SPAG16: variants seen among roughly 807,000 people sequenced by gnomAD.
The protein encoded by SPAG16 is sperm associated antigen 16.
A neutral mutation model predicts 80.4 loss-of-function variants in SPAG16; 86 were observed. The ratio of observed to expected loss-of-function variants is 1.07; its 90% CI spans 0.90 to 1.28. SPAG16 has a LOEUF of 1.28. SPAG16 is among the 50% of genes most tolerant of loss of function. The probability of loss-of-function intolerance (pLI) is 0.00; values close to 1 mark genes in which losing one functional copy is unlikely to be tolerated. For synonymous variants in SPAG16, 294 were observed against 265.9 expected, an observed-to-expected ratio of 1.11 and a Z score of -1.03; for missense variants, 870 against 765.3, an observed-to-expected ratio of 1.14 and a Z score of -1.61.
chr2:213,674,103 T>C (rs2063932985), intron 10 of SPAG16, among the ~76,000 whole-genome samples: 1 of 152,140 alleles, frequency 6.6e-6, no homozygotes, highest in Admixed American at 6.6e-5. Flanking sequence ...TTTAAACAAA[T>C]TTAATTTGCT....
At chr2:214,310,385 A>G (rs1055739792) in intron 15 of SPAG16, among the ~76,000 whole-genome samples, 1 of 152,154 alleles carries the variant, frequency 6.6e-6, no homozygotes, top group Non-Finnish European at 1.5e-5. Context: ...CATATGAGCC[A>G]ATTCACTCTC....
At chr2:213,521,033 G>A (rs150791775) in intron 10 of SPAG16, among the ~76,000 whole-genome samples, 19 of 152,208 alleles carry the variant, frequency 1.2e-4, no homozygotes, top group African/African-American at 3.6e-4. Flanking sequence ...GCAGGTTACC[G>A]TATCTCAATT....
intron 13 of SPAG16, among the ~76,000 whole-genome samples, chr2:214,035,327 G>A (rs1221279739): frequency 6.6e-6 from 1 of 152,164 alleles, no homozygotes; most frequent in African/African-American, 2.4e-5. Flanking sequence ...CTCACAGGTG[G>A]GACTTCACCA....
chr2:214,256,845 C>T (rs551798219), intron 15 of SPAG16, among the ~76,000 whole-genome samples: 79 of 152,052 alleles, frequency 5.2e-4, no homozygotes, highest in South Asian at 8.3e-4. Context: ...TAAAGTCAAA[C>T]GGTTAGAAGT....
At chr2:213,976,113 T>G (rs957627988) in intron 12 of SPAG16, among the ~76,000 whole-genome samples, 23 of 90,372 alleles carry the variant, frequency 2.5e-4, no homozygotes, top group Middle Eastern at 0.01. Context: ...GAGGGAGATA[T>G]ATATATATAT....
At chr2:213,586,945 C>T (rs1029993363) in intron 10 of SPAG16, among the ~76,000 whole-genome samples, 3 of 152,178 alleles carry the variant, frequency 2.0e-5, no homozygotes, top group Non-Finnish European at 2.9e-5. Context: ...GGAAGCCCCA[C>T]CCTTGTAGTG....
In SPAG16 at chr2:214,188,279, G is replaced by C. The variant is rs889339268; in HGVS notation, c.1720+39013G>C. Among the ~76,000 whole-genome samples, 3 of 152,066 alleles carry C rather than the reference G, an allele frequency of 2.0e-5. No individual in the cohort carries two copies. In the East Asian group the frequency reaches 5.8e-4, roughly 29 times the overall value. On this transcript the variant is annotated intron_variant, in intron 15 of 15. Coordinates refer to ENST00000331683, the MANE Select transcript of SPAG16 (RefSeq NM_024532.5). ...TTGAAAGTGTAATGAGGATCTAAAG[G>C]GAAATTTTGTCTTATTGCATACAGT...
At chr2:213,573,171 G>A (rs966836463) in intron 10 of SPAG16, among the ~76,000 whole-genome samples, 1 of 151,968 alleles carries the variant, frequency 6.6e-6, no homozygotes, top group East Asian at 1.9e-4. Flanking sequence ...CGGTACCTCA[G>A]ATGGAAATGC....
At chr2:213,521,289 A>C (rs558556337) in intron 10 of SPAG16, among the ~76,000 whole-genome samples, 70 of 152,298 alleles carry the variant, frequency 4.6e-4, no homozygotes, top group Non-Finnish European at 8.2e-4. Flanking sequence ...TTCACATTGG[A>C]CATATGACAA....
In SPAG16 at chr2:213,854,511, G is replaced by T. The variant is rs182378840; in HGVS notation, c.1071-7974G>T. On this transcript the variant is annotated intron_variant, in intron 10 of 15. Coordinates refer to ENST00000331683, the MANE Select transcript of SPAG16 (RefSeq NM_024532.5). ...TAATCAGCTAGTAATTAAGTTGTGG[G>T]CCATTCTTCAAATCTAGGCAGGCAG... is the stretch of plus-strand genomic sequence containing the variant. Among the ~76,000 whole-genome samples, 139 of 152,210 alleles carry T rather than the reference G, an allele frequency of 9.1e-4. 1 individual carries two copies. Among genetic ancestry groups the T allele is most frequent in the Non-Finnish European group, 1.4e-3 (96 of 68,020 alleles).
chr2:214,059,151 T>C (rs2050097350), intron 13 of SPAG16, among the ~76,000 whole-genome samples: 1 of 147,340 alleles, frequency 6.8e-6, no homozygotes, highest in South Asian at 2.2e-4. Flanking sequence ...CACTCCAGCC[T>C]GGGTAACAGA....
intron 13 of SPAG16, among the ~76,000 whole-genome samples, chr2:214,090,382 A>G (rs2052098701): frequency 6.6e-6 from 1 of 151,952 alleles, no homozygotes; most frequent in Non-Finnish European, 1.5e-5. Flanking sequence ...GTCTTTCAAA[A>G]GCAACCACTA....
At chr2:214,104,946 C>T (rs1473305168) in intron 13 of SPAG16, among the ~76,000 whole-genome samples, 2 of 152,014 alleles carry the variant, frequency 1.3e-5, no homozygotes, top group Non-Finnish European at 2.9e-5. Context: ...TGCAAGTGGC[C>T]ATGAGAAAGG....
intron 15 of SPAG16, among the ~76,000 whole-genome samples, chr2:214,320,909 G>A (rs893969320): frequency 3.3e-5 from 5 of 152,188 alleles, no homozygotes; most frequent in South Asian, 2.1e-4. Flanking sequence ...TAAACACTAC[G>A]AAATTAATTA....
intron 15 of SPAG16, among the ~76,000 whole-genome samples, chr2:214,301,618 C>G (rs989804849): frequency 1.3e-5 from 2 of 152,096 alleles, no homozygotes; most frequent in African/African-American, 2.4e-5. Flanking sequence ...TCTGTGGTAT[C>G]AGTTGTATGT....
chr2:214,234,197 G>A (rs1688914555), intron 15 of SPAG16, among the ~76,000 whole-genome samples: 1 of 152,134 alleles, frequency 6.6e-6, no homozygotes, highest in African/African-American at 2.4e-5. Flanking sequence ...CAACATCCAT[G>A]TCCCTGCAAA....
At chr2:214,084,553 C>T (rs2051596905) in intron 13 of SPAG16, among the ~76,000 whole-genome samples, 1 of 152,190 alleles carries the variant, frequency 6.6e-6, no homozygotes, top group South Asian at 2.1e-4. Context: ...TCCTTTCTTT[C>T]CTTTATCCAA....
intron 7 of SPAG16, among the ~76,000 whole-genome samples, chr2:213,362,603 T>C (rs2066045346): frequency 6.6e-6 from 1 of 152,214 alleles, no homozygotes; most frequent in Non-Finnish European, 1.5e-5. Context: ...GGCACTCCCC[T>C]GTGATCTTCT....
At chr2:213,318,622 C>T (rs1481309779) in intron 5 of SPAG16, among the ~76,000 whole-genome samples, 2 of 151,750 alleles carry the variant, frequency 1.3e-5, no homozygotes, top group African/African-American at 2.4e-5. Context: ...TGCACTTTTA[C>T]CCCTTAATCT....
Sources: allele counts gnomAD v4.1 joint callset (sites outside exome capture counted in the v4.1 genomes callset), GRCh38; gene constraint gnomAD v4.1.1; transcripts MANE v1.5; gene names NCBI Gene and HGNC (gene_info 2026-07-23, HGNC 2026-07-21).